Variants in XKR9 observed in about 807,000 individuals in gnomAD.
XKR9 encodes XK-related protein 9.
XKR9 carries 32 observed loss-of-function variants against 32.0 expected under a neutral mutation model. The ratio of observed to expected loss-of-function variants is 1.00; its 90% CI spans 0.76 to 1.34. The LOEUF is 1.34. Among genes scored for constraint, XKR9 ranks in the 40% most tolerant of loss-of-function variants. XKR9 has a pLI of 0.00. For synonymous variants in XKR9, 168 were observed against 143.4 expected, an observed-to-expected ratio of 1.17 and a Z score of -1.22; for missense variants, 546 against 429.7, an observed-to-expected ratio of 1.27 and a Z score of -2.39.
chr8:70,892,446 G>A, the XKR9 span, among the ~76,000 whole-genome samples: 1 of 151,694 alleles, frequency 6.6e-6, no homozygotes, highest in African/African-American at 2.4e-5. Context: ...TTTTACTTTT[G>A]CATGTTTTTA....
intron 4 of XKR9, among the ~76,000 whole-genome samples, chr8:70,707,480 A>G (rs578028656): frequency 6.6e-6 from 1 of 152,070 alleles, no homozygotes; most frequent in African/African-American, 2.4e-5. Context: ...GCCTCATAGT[A>G]TATCTTGGAG....
rs747265582 is a variant in XKR9, at chr8:70,681,196, C to T, written c.138C>T (p.Ser46=). ...ATGTTTTTAGTGCTTTAGCGTTAAG[C>T]TTTATGCTTTTTGGAACACTTGTGG... ...GQYVFSALAL[S]FMLFGTLVAQ... The change falls in exon 3 of 5, where the codon AGC becomes AGT. Residue 46 remains serine, a synonymous_variant. Coordinates refer to ENST00000408926, the MANE Select transcript of XKR9 (RefSeq NM_001011720.2). 1.9e-6 allele frequency: 3 copies of T among 1,613,372 alleles called. No individual in the cohort carries two copies. Among genetic ancestry groups the T allele is most frequent in the African/African-American group, 1.3e-5 (1 of 74,860 alleles).
chr8:70,815,078 G>A, the XKR9 span, among the ~76,000 whole-genome samples: 1 of 152,306 alleles, frequency 6.6e-6, no homozygotes, highest in East Asian at 1.9e-4. Context: ...ACTGATGAAC[G>A]AAATTGTAGA....
the XKR9 span, among the ~76,000 whole-genome samples, chr8:70,961,267 A>G: frequency 2.0e-5 from 3 of 152,164 alleles, no homozygotes; most frequent in African/African-American, 4.8e-5. Context: ...AGCCAAGTGT[A>G]TAATAAAAAA....
chr8:70,718,054 C>T (rs980414974), intron 4 of XKR9, among the ~76,000 whole-genome samples: 1 of 152,126 alleles, frequency 6.6e-6, no homozygotes. Flanking sequence ...CTTTATTGTT[C>T]ATATCACTAT....
chr8:70,697,692 G>A (rs1246548718), intron 3 of XKR9, among the ~76,000 whole-genome samples: 6 of 151,650 alleles, frequency 4.0e-5, no homozygotes, highest in African/African-American at 4.9e-5. Flanking sequence ...GATGATGCTG[G>A]CCTCATAAAA....
the XKR9 span, among the ~76,000 whole-genome samples, chr8:70,884,118 C>T: frequency 6.6e-6 from 1 of 152,046 alleles, no homozygotes; most frequent in Non-Finnish European, 1.5e-5. Context: ...AAAAAAATTT[C>T]CAATTTTGTA....
the XKR9 span, among the ~76,000 whole-genome samples, chr8:70,904,248 T>TC: frequency 1.3e-5 from 2 of 152,078 alleles, no homozygotes; most frequent in Non-Finnish European, 2.9e-5. Flanking sequence ...TGTGTGGGAG[T>TC]CTAAGTCTCT....
chr8:70,861,823 C>T, the XKR9 span, among the ~76,000 whole-genome samples: 1 of 152,178 alleles, frequency 6.6e-6, no homozygotes, highest in African/African-American at 2.4e-5. Flanking sequence ...ATTTTTCTGT[C>T]ACCACCACCA....
the XKR9 span, among the ~76,000 whole-genome samples, chr8:70,943,432 A>G: frequency 6.6e-6 from 1 of 152,200 alleles, no homozygotes; most frequent in African/African-American, 2.4e-5. Context: ...TTGTTGAAAT[A>G]CATTTTGACT....
chr8:70,793,218 A>G (rs1291344282), downstream of XKR9, among the ~76,000 whole-genome samples: 1 of 152,074 alleles, frequency 6.6e-6, no homozygotes, highest in Non-Finnish European at 1.5e-5. Flanking sequence ...GGAACATGCT[A>G]GGGTTTGGGT....
chr8:70,992,958 A>G, the XKR9 span, among the ~76,000 whole-genome samples: 1 of 152,240 alleles, frequency 6.6e-6, no homozygotes. Context: ...CTAGACTTGG[A>G]TAACTCAATC....
intron 4 of XKR9, among the ~76,000 whole-genome samples, chr8:70,721,787 G>T (rs1039042130): frequency 5.3e-5 from 8 of 152,128 alleles, no homozygotes; most frequent in African/African-American, 1.7e-4. Context: ...TGTTGATTTG[G>T]GGTGGAGAAT....
the XKR9 span, among the ~76,000 whole-genome samples, chr8:71,045,695 TG>T: frequency 1.3e-5 from 2 of 151,988 alleles, no homozygotes; most frequent in Admixed American, 1.3e-4. Flanking sequence ...GGGCCCTCAG[TG>T]GGGGAATTCT....
the XKR9 span, among the ~76,000 whole-genome samples, chr8:70,893,147 T>C: frequency 6.6e-6 from 1 of 152,196 alleles, no homozygotes; most frequent in Non-Finnish European, 1.5e-5. Context: ...TCATTGTACT[T>C]CATTCATCAA....
chr8:70,724,485 C>T (rs1354371022), intron 4 of XKR9, among the ~76,000 whole-genome samples: 1 of 151,814 alleles, frequency 6.6e-6, no homozygotes, highest in Non-Finnish European at 1.5e-5. Flanking sequence ...AATAGCTGCC[C>T]AGTTTTGTGC....
chr8:70,879,205 G>A, the XKR9 span, among the ~76,000 whole-genome samples: 13 of 152,104 alleles, frequency 8.5e-5, no homozygotes, highest in Admixed American at 2.6e-4. Context: ...GAGAAAGCAG[G>A]AAAGGTCTAA....
chr8:71,010,874 C>T, the XKR9 span, among the ~76,000 whole-genome samples: 4 of 152,154 alleles, frequency 2.6e-5, no homozygotes, highest in African/African-American at 7.2e-5. Flanking sequence ...GCATGTTACA[C>T]GAATTCAGTT....
intron 2 of XKR9, among the ~76,000 whole-genome samples, chr8:70,773,181 G>A (rs919727943): frequency 1.3e-5 from 2 of 152,176 alleles, no homozygotes; most frequent in African/African-American, 2.4e-5. Context: ...GGCAGATATG[G>A]CAAGGTAAGC....
Sources: gnomAD v4.1 joint callset for allele counts (sites outside exome capture counted in the v4.1 genomes callset) on GRCh38, gnomAD v4.1.1 for gene constraint, MANE v1.5 for transcripts, NCBI Gene and HGNC (gene_info 2026-07-23, HGNC 2026-07-21) for gene names.